The following EFHC2 variants were observed in gnomAD, a reference collection of about 807,000 sequenced individuals.
The protein encoded by EFHC2 is EF-hand domain containing 2, also known as EF-hand domain-containing family member C2.
In EFHC2, 18 loss-of-function variants were observed where a neutral mutation model predicts 52.7. That is an observed-to-expected ratio of 0.34 (90% CI 0.24 to 0.51). The LOEUF is 0.51. Among genes scored for constraint, EFHC2 ranks in the 20% least tolerant of loss-of-function variants. The probability of loss-of-function intolerance (pLI) is 0.97; values close to 1 mark genes in which losing one functional copy is unlikely to be tolerated. For synonymous variants in EFHC2, 203 were observed against 204.1 expected (o/e 0.99, Z 0.04); for missense variants, 513 against 562.5 (o/e 0.91, Z 0.89).
chrX:44,163,098 A>C (rs1479667686), intron 14 of EFHC2, among the ~76,000 whole-genome samples: 1 of 111,925 alleles, frequency 8.9e-6, no homozygotes, highest in Admixed American at 9.4e-5. Context: ...CTTTCCCCCA[A>C]CCATCTGGAA....
chrX:44,190,701 G>GAT (rs2036913127), intron 11 of EFHC2, among the ~76,000 whole-genome samples: 3 of 40,666 alleles, frequency 7.4e-5, no homozygotes. Context: ...ATGTTGATGG[G>GAT]GAAAAAAAAA....
At chrX:44,297,900 A>G (rs913872615) in intron 2 of EFHC2, among the ~76,000 whole-genome samples, 12 of 108,018 alleles carry the variant, frequency 1.1e-4, no homozygotes, top group Non-Finnish European at 2.1e-4. Flanking sequence ...GATGAAAGTA[A>G]AGAGAATGAG....
intron 8 of EFHC2, among the ~76,000 whole-genome samples, chrX:44,239,253 T>TTGGGTATTATACAAG (rs1157557676): frequency 1.8e-5 from 2 of 112,283 alleles, no homozygotes; most frequent in Non-Finnish European, 3.8e-5. Flanking sequence ...GGCACAAGTC[T>TTGGGTATTATACAAG]GGTATAATAA....
At chrX:44,238,640 C>T (rs1354764698) in intron 8 of EFHC2, among the ~76,000 whole-genome samples, 1 of 111,156 alleles carries the variant, frequency 9.0e-6, no homozygotes, top group African/African-American at 3.3e-5. Context: ...TTGCACATCC[C>T]AAGCACACTT....
chrX:44,288,157 T>C (rs1024280794), intron 2 of EFHC2, among the ~76,000 whole-genome samples: 4 of 111,146 alleles, frequency 3.6e-5, no homozygotes, highest in Non-Finnish European at 7.5e-5. Flanking sequence ...AATCTGGATA[T>C]ACAAAATTTG....
chrX:44,149,964 C>T (rs549104700), intron 14 of EFHC2, among the ~76,000 whole-genome samples: 1 of 112,064 alleles, frequency 8.9e-6, no homozygotes, highest in Non-Finnish European at 1.9e-5. Flanking sequence ...CACATATACA[C>T]ACACAGATGC....
intron 2 of EFHC2, among the ~76,000 whole-genome samples, chrX:44,278,146 G>A (rs770796148): frequency 8.9e-6 from 1 of 112,228 alleles, no homozygotes; most frequent in African/African-American, 3.2e-5. Flanking sequence ...AGGCCAAGGT[G>A]AGTGGATAAC....
rs755731324 is a variant in EFHC2 at position 44,185,621 on chromosome X, C to T, written c.1752-7057G>A. ...GTGTGATCATGGCTCACTGCAACCA[C>T]GAACTCCTGAGCTCAAGCGATCCTC... On this transcript the variant is annotated intron_variant, in intron 11 of 14. Coordinates refer to ENST00000420999, the MANE Select transcript of EFHC2 (RefSeq NM_025184.4). Among the ~76,000 whole-genome samples the T allele has an allele frequency of 1.7e-3, 189 of 110,425 alleles. 1 individual carries two copies. Among genetic ancestry groups the T allele is most frequent in the African/African-American group, 6.0e-3 (182 of 30,361 alleles).
chrX:44,199,932 A>G (rs1318947327), intron 11 of EFHC2, among the ~76,000 whole-genome samples: 1 of 112,398 alleles, frequency 8.9e-6, no homozygotes, highest in Non-Finnish European at 1.9e-5. Context: ...AGAAAGGTTG[A>G]GGAACTGTTA....
At chrX:44,331,929 CAAAA>C (rs2038089138) in intron 1 of EFHC2, among the ~76,000 whole-genome samples, 1 of 109,607 alleles carries the variant, frequency 9.1e-6, no homozygotes, top group African/African-American at 3.3e-5. Context: ...ATCTTACAAA[CAAAA>C]AGAAAAGAAA....
chrX:44,176,202 G>A (rs768194061), intron 13 of EFHC2, 90 bp downstream of exon 13: 2 of 692,228 alleles, frequency 2.9e-6, no homozygotes, highest in East Asian at 7.4e-5. Flanking sequence ...GGTAAATCAA[G>A]GGTAATTAAA....
At chrX:44,197,716 T>C (rs990431136) in intron 11 of EFHC2, among the ~76,000 whole-genome samples, 1 of 112,680 alleles carries the variant, frequency 8.9e-6, no homozygotes, top group African/African-American at 3.2e-5. Flanking sequence ...TTAAACACTG[T>C]ACTATGTGGC....
intron 11 of EFHC2, among the ~76,000 whole-genome samples, chrX:44,220,043 T>C (rs1180819613): frequency 1.8e-5 from 2 of 112,037 alleles, no homozygotes; most frequent in Non-Finnish European, 3.8e-5. Context: ...TAAAAAATAA[T>C]TGCTCATTGT....
chrX:44,217,738 G>A (rs1450226561), intron 11 of EFHC2, among the ~76,000 whole-genome samples: 1 of 110,347 alleles, frequency 9.1e-6, no homozygotes, highest in Non-Finnish European at 1.9e-5. Context: ...GGTGGGGATG[G>A]TTAATGGGTA....
intron 2 of EFHC2, among the ~76,000 whole-genome samples, chrX:44,275,955 ATGTAATTGGC>A (rs1241741995): frequency 1.8e-5 from 2 of 109,007 alleles, no homozygotes; most frequent in Non-Finnish European, 3.8e-5. Flanking sequence ...GTCCTAGAGG[ATGTAATTGGC>A]TGCAATTTTC....
At chrX:44,267,686 C>G (rs1337338075) in intron 3 of EFHC2, among the ~76,000 whole-genome samples, 1 of 111,131 alleles carries the variant, frequency 9.0e-6, no homozygotes, top group East Asian at 2.8e-4. Context: ...CATCACTGCA[C>G]AGCACCTAAT....
intron 7 of EFHC2, among the ~76,000 whole-genome samples, chrX:44,245,871 C>A (rs1371247133): frequency 9.0e-6 from 1 of 111,552 alleles, no homozygotes; most frequent in Non-Finnish European, 1.9e-5. Context: ...GGAGAAGGTA[C>A]TAAAGCACCA....
At position 44,271,866 on chromosome X, in the gene EFHC2, T is replaced by C. The variant is rs532859093; in HGVS notation, c.382+820A>G. Among the ~76,000 whole-genome samples, 22 of 112,080 alleles carry C rather than the reference T, an allele frequency of 2.0e-4. No individual in the cohort carries two copies. The South Asian group carries it at 8.1e-3, about 41-fold the overall frequency. ...TCACCCCTTCTCCACATGACAGCCC[T>C]TTAGATTCCTGAGGACATTTATCAA... On this transcript the variant is annotated intron_variant, in intron 3 of 14. Transcript: ENST00000420999.
chrX:44,165,349 T>A (rs2036688652), intron 13 of EFHC2, among the ~76,000 whole-genome samples: 1 of 111,766 alleles, frequency 8.9e-6, no homozygotes, highest in African/African-American at 3.2e-5. Context: ...TTCTTTTGTG[T>A]ACATTTTCTT....
Sources: allele counts gnomAD v4.1 joint callset (sites outside exome capture counted in the v4.1 genomes callset), GRCh38; gene constraint gnomAD v4.1.1; transcripts MANE v1.5; gene names NCBI Gene and HGNC (gene_info 2026-07-23, HGNC 2026-07-21).